The following SLC22A12 variants were observed in gnomAD, a reference collection of about 807,000 sequenced individuals.
The protein encoded by SLC22A12 is organic anion transporter 4-like protein.
A neutral mutation model predicts 52.7 loss-of-function variants in SLC22A12; 56 were observed. The ratio of observed to expected loss-of-function variants is 1.06; its 90% CI spans 0.86 to 1.33. SLC22A12 has a LOEUF of 1.33. Among genes scored for constraint, SLC22A12 ranks in the 40% most tolerant of loss-of-function variants. SLC22A12 has a pLI of 0.00. For synonymous variants in SLC22A12, 337 were observed against 324.6 expected, an observed-to-expected ratio of 1.04 and a Z score of -0.41; for missense variants, 683 against 741.5, an observed-to-expected ratio of 0.92 and a Z score of 0.92.
chr11:64,599,064 C>G, intron 6 of SLC22A12, 141 bp downstream of exon 6: 13 of 1,288,548 alleles, frequency 1.0e-5, no homozygotes, highest in Non-Finnish European at 1.4e-5. Context: ...TCAGTCACTC[C>G]CGACAGGAGA....
chr11:64,596,003 A>G (rs1424570622), intron 4 of SLC22A12, among the ~76,000 whole-genome samples: 9 of 111,446 alleles, frequency 8.1e-5, no homozygotes, highest in African/African-American at 2.2e-4. Context: ...GAATGGATGG[A>G]TGGATGGATG....
rs150255373 is a variant in SLC22A12, at chr11:64,598,826, C to T, written c.973C>T (p.Arg325Trp). 6.8e-4 allele frequency: 1,092 copies of T among 1,612,486 alleles called. No individual in the cohort carries two copies. Among genetic ancestry groups the T allele is most frequent in the Non-Finnish European group, 8.4e-4 (987 of 1,179,978 alleles). ...LTPEVLLSAM[R>W]EELSMGQPPA... ...TCCACAGGTCTTGCTTTCAGCCATG[C>T]GGGAGGAGCTGAGCATGGGCCAGCC... The change falls in exon 6 of 10, where the codon CGG (arginine) becomes TGG (tryptophan). Residue 325 changes from arginine to tryptophan, a missense_variant. Transcript: ENST00000377574.
chr11:64,595,124 G>GA (rs2039087593), intron 4 of SLC22A12, among the ~76,000 whole-genome samples: 1 of 138,564 alleles, frequency 7.2e-6, no homozygotes, highest in African/African-American at 2.7e-5. Flanking sequence ...TGGATGGATG[G>GA]ATGGATGGAT....
In SLC22A12 at chr11:64,591,798, C is replaced by T. The variant is rs1281544337; in HGVS notation, c.242C>T (p.Pro81Leu). The change falls in exon 1 of 10, where the codon CCC (proline) becomes CTC (leucine). Residue 81 changes from proline to leucine, a missense_variant. Pro to Leu is a moderately conservative substitution (Grantham distance 98). Coordinates refer to ENST00000377574, the MANE Select transcript of SLC22A12 (RefSeq NM_144585.4). ...CTGGCTATTTCCATCCCGCCGGGCCCCAACCAGAGGCCCCACCAGTGCCGC... is the reference window on the plus strand; with the variant it reads ...CTGGCTATTTCCATCCCGCCGGGCCTCAACCAGAGGCCCCACCAGTGCCGC... Reference protein sequence around the residue: ...ALLAISIPPGPNQRPHQCRRF... With the variant: ...ALLAISIPPGLNQRPHQCRRF... 2 of 1,612,424 alleles carry T rather than the reference C, an allele frequency of 1.2e-6. No homozygotes were observed. Among genetic ancestry groups the T allele is most frequent in the African/African-American group, 2.7e-5 (2 of 74,936 alleles).
At chr11:64,598,769 C>A (rs370999184) in intron 5 of SLC22A12, 39 bp from the exon 6 acceptor site, 6 of 1,610,484 alleles carry the variant, frequency 3.7e-6, no homozygotes, top group Non-Finnish European at 4.2e-6. Context: ...AGGTGCCTGG[C>A]GCCCCCAGTG....
intron 8 of SLC22A12, 63 bp from the exon 9 acceptor site, chr11:64,600,672 G>C (rs758631248): frequency 4.4e-6 from 7 of 1,597,014 alleles, no homozygotes; most frequent in Non-Finnish European, 5.9e-6. Context: ...GCCTGGCCCG[G>C]CGTGCAGGAT....
intron 4 of SLC22A12, among the ~76,000 whole-genome samples, chr11:64,595,334 GTTGA>G (rs375904649): frequency 2.7e-3 from 217 of 81,674 alleles, no homozygotes; most frequent in East Asian, 8.6e-3. Context: ...TGGATGGATG[GTTGA>G]ATGGATGGTT....
chr11:64,600,604 G>A (rs901665004), intron 8 of SLC22A12, 129 bp downstream of exon 8: 29 of 1,428,378 alleles, frequency 2.0e-5, no homozygotes, highest in African/African-American at 2.8e-5. Flanking sequence ...GGTCCCCGGG[G>A]CTGCTCAGGT....
Position 64,597,996 on chromosome 11 carries a change from C to T in SLC22A12, c.831-520C>T, listed in dbSNP as rs578168477. 5.3e-5 allele frequency among the ~76,000 whole-genome samples: 8 copies of T among 152,216 alleles called. No homozygotes were observed. The South Asian group carries it at 1.7e-3, about 32-fold the overall frequency. Reference sequence around the variant, plus strand: ...TGGGGACCCTGGTCCCAGCCTGAGCCCCGGGGTGGCTGTGAAGCTGTTTGC... The same window carrying T: ...TGGGGACCCTGGTCCCAGCCTGAGCTCCGGGGTGGCTGTGAAGCTGTTTGC... On this transcript the variant is annotated intron_variant, in intron 4 of 9. Transcript: ENST00000377574.
Position 64,601,857 on chromosome 11 carries a change from C to A in SLC22A12, c.*306C>A. The A allele has an allele frequency of 2.4e-6, 1 of 410,258 alleles. No homozygotes were observed. The highest frequency in any genetic ancestry group is 2.1e-5 in the South Asian group (1 of 47,900). 25.4% of individuals were successfully genotyped at this position (410,258 alleles called of 1,614,324 possible). A position where few individuals can be genotyped will look rare whatever the true frequency, so the allele number is the denominator to read the frequency against. ...GTCAGGCCCAGGGGAACGAGCTGGC[C>A]TTGCCAACCCTCTGCTTGACTCCGC... On this transcript the variant is annotated 3_prime_UTR_variant, in exon 10 of 10. Transcript: ENST00000377574.
In SLC22A12 at chr11:64,593,804, G is replaced by A. The variant is rs1156934019; in HGVS notation, c.830+1G>A. 1.9e-6 allele frequency: 3 copies of A among 1,603,304 alleles called. No individual in the cohort carries two copies. Among genetic ancestry groups the A allele is most frequent in the Non-Finnish European group, 2.5e-6 (3 of 1,179,844 alleles). On this transcript the variant is annotated splice_donor_variant, in intron 4 of 9. Coordinates refer to ENST00000377574, the MANE Select transcript of SLC22A12 (RefSeq NM_144585.4). LOFTEE classifies it high-confidence loss of function. Reference sequence around the variant, plus strand: ...TCTTCCTCTGCTTTTTGTACTCCTGGTGGGTGCTGTGCCCCACTCCCCTCC... The same window carrying A: ...TCTTCCTCTGCTTTTTGTACTCCTGATGGGTGCTGTGCCCCACTCCCCTCC...
intron 4 of SLC22A12, among the ~76,000 whole-genome samples, chr11:64,597,768 A>G (rs2039297270): frequency 6.6e-6 from 1 of 152,214 alleles, no homozygotes; most frequent in South Asian, 2.1e-4. Flanking sequence ...GCAGGCGCTC[A>G]GCAGGCGGGG....
chr11:64,593,858 C>T (rs764554146), intron 4 of SLC22A12, 55 bp downstream of exon 4: 312 of 1,575,910 alleles, frequency 2.0e-4, no homozygotes, highest in Middle Eastern at 3.3e-4. Context: ...ACTCTCCACC[C>T]GGGGGAATGG....
At chr11:64,595,101 A>G (rs1331384492) in intron 4 of SLC22A12, among the ~76,000 whole-genome samples, 10 of 106,856 alleles carry the variant, frequency 9.4e-5, no homozygotes, top group East Asian at 3.3e-4. Context: ...GAAAGGATGG[A>G]TGGATGGATG....
At chr11:64,597,672 G>A (rs1266291337) in intron 4 of SLC22A12, among the ~76,000 whole-genome samples, 1 of 152,192 alleles carries the variant, frequency 6.6e-6, no homozygotes, top group East Asian at 1.9e-4. Flanking sequence ...CCCCACCCTG[G>A]CTGCTCATAG....
At position 64,596,146 on chromosome 11, in the gene SLC22A12, T is replaced by TG. The variant is rs1591395745; in HGVS notation, c.830+2345dup. On this transcript the variant is annotated intron_variant, in intron 4 of 9. Coordinates refer to ENST00000377574, the MANE Select transcript of SLC22A12 (RefSeq NM_144585.4). ...GGAATTGATGGATGGATGGGATGGATGGATGGATTGATGGATAGTTGGAAT... is the reference window on the plus strand; with the variant it reads ...GGAATTGATGGATGGATGGGATGGATGGGATGGATTGATGGATAGTTGGAAT... Among the ~76,000 whole-genome samples, 3 of 149,846 alleles carry TG rather than the reference T, an allele frequency of 2.0e-5. No individual in the cohort carries two copies. In the East Asian group the frequency reaches 6.0e-4, roughly 30 times the overall value.
rs571170289 is a variant in SLC22A12 at position 64,599,038 on chromosome 11, G to A, written c.1070+115G>A. 6,197 of 1,408,098 alleles carry A rather than the reference G, an allele frequency of 4.4e-3. 23 individuals carry two copies. Among genetic ancestry groups the A allele is most frequent in the Non-Finnish European group, 5.4e-3 (5,536 of 1,030,378 alleles). 87.2% of individuals were successfully genotyped at this position (1,408,098 alleles called of 1,614,324 possible). A position where few individuals can be genotyped will look rare whatever the true frequency, so the allele number is the denominator to read the frequency against. On this transcript the variant is annotated intron_variant, in intron 6 of 9. Coordinates refer to ENST00000377574, the MANE Select transcript of SLC22A12 (RefSeq NM_144585.4). ...CTTGGTCCCACTGGCCTGCAACACC[G>A]ACACCTTCCCCTCTGTCAGTCACTC...
At chr11:64,601,422 G>C in intron 9 of SLC22A12, 66 bp from the exon 10 acceptor site, 1 of 1,540,166 alleles carries the variant, frequency 6.5e-7, no homozygotes, top group South Asian at 1.1e-5. Context: ...CCTTGGGATG[G>C]ACACAGGTCA....
chr11:64,596,828 C>G (rs1218630810), intron 4 of SLC22A12, among the ~76,000 whole-genome samples: 1 of 152,150 alleles, frequency 6.6e-6, no homozygotes, highest in Non-Finnish European at 1.5e-5. Context: ...TCCAAGGCAC[C>G]CCTCCTGGTT....
Sources: gnomAD v4.1 joint callset for allele counts (sites outside exome capture counted in the v4.1 genomes callset) on GRCh38, gnomAD v4.1.1 for gene constraint, MANE v1.5 for transcripts, NCBI Gene and HGNC (gene_info 2026-07-23, HGNC 2026-07-21) for gene names.